ATP8B1: variants seen among roughly 807,000 people sequenced by gnomAD.
The protein encoded by ATP8B1 is phospholipid-transporting ATPase IC.
A neutral mutation model predicts 149.9 loss-of-function variants in ATP8B1; 80 were observed. That is an observed-to-expected ratio of 0.53 (90% confidence interval 0.45 to 0.64). The LOEUF is 0.64. Among genes scored for constraint, ATP8B1 ranks in the 30% least tolerant of loss-of-function variants. The pLI is 0.00. For synonymous variants in ATP8B1, 536 were observed against 562.8 expected (o/e 0.95, Z 0.67); for missense variants, 1,247 against 1,552.6 (o/e 0.80, Z 3.31).
chr18:57,746,057 G>A (rs1373271376), intron 1 of ATP8B1, among the ~76,000 whole-genome samples: 8 of 152,130 alleles, frequency 5.3e-5, no homozygotes, highest in South Asian at 2.1e-4. Context: ...AGTATTAACC[G>A]TGGGGGTGAG....
At chr18:57,764,757 CAA>C (rs71171091) in intron 1 of ATP8B1, among the ~76,000 whole-genome samples, 2,039 of 104,060 alleles carry the variant, frequency 0.02, 12 homozygotes, top group African/African-American at 0.045. Flanking sequence ...TTTCAGTTGT[CAA>C]AAAAAAAAAA....
At chr18:57,678,844 G>C (rs56274508) in intron 15 of ATP8B1, among the ~76,000 whole-genome samples, 1 of 37,140 alleles carries the variant, frequency 2.7e-5, no homozygotes, top group Non-Finnish European at 6.0e-5. Context: ...GGAGGCAGAG[G>C]TTGCAGTGAA....
chr18:57,722,422 A>T (rs1418104105), intron 2 of ATP8B1, among the ~76,000 whole-genome samples: 1 of 139,882 alleles, frequency 7.1e-6, no homozygotes, highest in Non-Finnish European at 1.6e-5. Context: ...GGATATCACC[A>T]CCGATCCCAC....
At chr18:57,783,226 A>C (rs1425974305) in intron 1 of ATP8B1, among the ~76,000 whole-genome samples, 1 of 152,176 alleles carries the variant, frequency 6.6e-6, no homozygotes, top group Non-Finnish European at 1.5e-5. Flanking sequence ...CAGAGAGACT[A>C]TAAAGTAGAA....
rs191520709 is a variant in ATP8B1 at position 57,731,853 on chromosome 18, A to T, written c.-25-21T>A. On this transcript the variant is annotated intron_variant, in intron 1 of 27. Transcript: ENST00000648908. ...ACCTGCTTAAAAGGAAAGAGAAACC[A>T]GAGTGAATTATGACTCTTGCCCAGT... 5.2e-4 allele frequency: 837 copies of T among 1,611,782 alleles called. 2 individuals carry two copies. In the African/African-American group the frequency reaches 9.8e-3, roughly 19 times the overall value.
Position 57,648,333 on chromosome 18 carries a change from T to TA in ATP8B1, c.*154dup. 1 of 940,618 alleles carries TA rather than the reference T, an allele frequency of 1.1e-6. No individual in the cohort carries two copies. Among genetic ancestry groups the TA allele is most frequent in the Non-Finnish European group, 1.7e-6 (1 of 605,150 alleles). The allele number at this position is 940,618 out of a possible 1,614,324, so 58.3% of individuals were successfully genotyped here. A position where few individuals can be genotyped will look rare whatever the true frequency, so the allele number is the denominator to read the frequency against. ...CCTATTTCTTGGCTCTGCTATTGTT[T>TA]AATAGTCCAACCCAAGGAGTTTGTT... On this transcript the variant is annotated 3_prime_UTR_variant, in exon 28 of 28. Coordinates refer to ENST00000648908, the MANE Select transcript of ATP8B1 (RefSeq NM_001374385.1).
chr18:57,691,762 C>A (rs1278202218), intron 12 of ATP8B1, 45 bp downstream of exon 12: 11 of 1,604,078 alleles, frequency 6.9e-6, no homozygotes, highest in Non-Finnish European at 9.4e-6. Flanking sequence ...GGAGAAGGTA[C>A]AACATTCTTC....
At position 57,717,374 on chromosome 18, in the gene ATP8B1, T is replaced by C. The variant is rs570517119; in HGVS notation, c.182-10787A>G. Among the ~76,000 whole-genome samples, 67 of 150,826 alleles carry C rather than the reference T, an allele frequency of 4.4e-4. 1 individual carries two copies. In the South Asian group the frequency reaches 4.6e-3, roughly 10 times the overall value. ...TCCTGGCTAACACACTGAAACCCCA[T>C]TGCTACTAAAAAAATACAAAAAACT... On this transcript the variant is annotated intron_variant, in intron 2 of 27. Transcript: ENST00000648908.
intron 1 of ATP8B1, among the ~76,000 whole-genome samples, chr18:57,764,973 A>T (rs2080197563): frequency 6.6e-6 from 1 of 152,222 alleles, no homozygotes; most frequent in Admixed American, 6.5e-5. Flanking sequence ...GAATCCGAGC[A>T]GATATTTATA....
rs117335485 is a variant in ATP8B1, at chr18:57,747,700, G to T, written c.-25-15868C>A. Among the ~76,000 whole-genome samples the T allele has an allele frequency of 2.2e-3, 337 of 152,274 alleles. 7 individuals carry two copies. In the East Asian group the frequency reaches 0.049, roughly 22 times the overall value. On this transcript the variant is annotated intron_variant, in intron 1 of 27. Transcript: ENST00000648908. ...GGGCACTTACTTGGTATCTTTTCTAGATACTATCATGGTTTCCTGAACATC... is the reference window on the plus strand; with the variant it reads ...GGGCACTTACTTGGTATCTTTTCTATATACTATCATGGTTTCCTGAACATC...
intron 1 of ATP8B1, among the ~76,000 whole-genome samples, chr18:57,782,172 G>T (rs1273885011): frequency 6.6e-6 from 1 of 152,226 alleles, no homozygotes; most frequent in Non-Finnish European, 1.5e-5. Flanking sequence ...GGAGCAGAAA[G>T]GGCAGAAGAT....
intron 26 of ATP8B1, 85 bp from the exon 27 acceptor site, chr18:57,650,582 C>T: frequency 6.6e-7 from 1 of 1,519,178 alleles, no homozygotes; most frequent in South Asian, 1.1e-5. Context: ...GTGGCTCATG[C>T]CTGTAATCCT....
At position 57,782,426 on chromosome 18, in the gene ATP8B1, C is replaced by T. The variant is rs8097982; in HGVS notation, c.-26+20572G>A. Reference sequence around the variant, plus strand: ...AAACCCAAGTAAATTTTTTATTATGCGTGTAGGCATCCTATAAAGAGTAGA... The same window carrying T: ...AAACCCAAGTAAATTTTTTATTATGTGTGTAGGCATCCTATAAAGAGTAGA... On this transcript the variant is annotated intron_variant, in intron 1 of 27. Transcript: ENST00000648908. 2.5e-3 allele frequency among the ~76,000 whole-genome samples: 383 copies of T among 152,262 alleles called. 1 individual carries two copies. Among genetic ancestry groups the T allele is most frequent in the African/African-American group, 7.9e-3 (329 of 41,538 alleles).
intron 15 of ATP8B1, among the ~76,000 whole-genome samples, chr18:57,678,198 C>T (rs999215144): frequency 3.9e-5 from 6 of 152,144 alleles, no homozygotes; most frequent in Non-Finnish European, 8.8e-5. Context: ...CACATGTTCT[C>T]ACTTAACATT....
intron 22 of ATP8B1, among the ~76,000 whole-genome samples, chr18:57,657,146 G>C (rs1291913887): frequency 2.0e-5 from 3 of 151,896 alleles, no homozygotes; most frequent in Non-Finnish European, 4.4e-5. Flanking sequence ...TCTTAAGCTA[G>C]CTTTGGTTGT....
In ATP8B1 at chr18:57,691,887, T is replaced by G; in HGVS notation, c.1140A>C (p.Thr380=). The G allele has an allele frequency of 6.2e-7, 1 of 1,614,050 alleles. No homozygotes were observed. Among genetic ancestry groups the G allele is most frequent in the Admixed American group, 1.7e-5 (1 of 59,994 alleles). ...SWYLYDGEDD[T]PSYRGFLIFW... The stretch of plus-strand genomic sequence containing the variant: ...AAATGAGGAATCCACGGTAGGAGGG[T>G]GTATCGTCTTCTCCATCATAGAGGT... Residue 380 remains threonine (T), a synonymous_variant, in exon 12 of 28, where the codon ACA becomes ACC. Transcript: ENST00000648908.
chr18:57,792,673 G>C (rs1398821663), intron 1 of ATP8B1, among the ~76,000 whole-genome samples: 1 of 152,104 alleles, frequency 6.6e-6, no homozygotes, highest in Non-Finnish European at 1.5e-5. Flanking sequence ...GTAGATTGTG[G>C]CAACAGTTGC....
At chr18:57,670,790 C>A (rs1231964768) in intron 17 of ATP8B1, among the ~76,000 whole-genome samples, 1 of 151,956 alleles carries the variant, frequency 6.6e-6, no homozygotes, top group Non-Finnish European at 1.5e-5. Context: ...CACTCTACCC[C>A]CTCCCTCTGG....
rs1568078739 is a variant in ATP8B1, at chr18:57,802,430, G to A, written c.-26+568C>T. ...ACAATAAAGCGCACGGAAGATGTCT[G>A]GGAGTACCTGGCCCTGCCACAGGAG... On this transcript the variant is annotated intron_variant, in intron 1 of 27. Transcript: ENST00000648908. This position sits in a 1 kb window ranked among gnomAD's most constrained non-coding sequence, Gnocchi z 4.9. 1.3e-5 allele frequency among the ~76,000 whole-genome samples: 2 copies of A among 152,190 alleles called. No individual in the cohort carries two copies. The highest frequency in any genetic ancestry group is 2.9e-5 in the Non-Finnish European group (2 of 68,036).
Sources: allele counts gnomAD v4.1 joint callset (sites outside exome capture counted in the v4.1 genomes callset), GRCh38; gene constraint gnomAD v4.1.1; non-coding constraint Gnocchi (gnomAD v3.1); transcripts MANE v1.5; gene names NCBI Gene and HGNC (gene_info 2026-07-23, HGNC 2026-07-21).